The following PTPRK variants were observed in gnomAD, a reference collection of about 807,000 sequenced individuals.
PTPRK encodes the protein protein tyrosine phosphatase receptor type K.
Under a neutral mutation model 178.0 loss-of-function variants are expected in PTPRK, and 75 were observed. The ratio of observed to expected loss-of-function variants is 0.42; its 90% confidence interval spans 0.35 to 0.51. The LOEUF (loss-of-function observed/expected upper bound fraction) is 0.51, where lower values mean the gene tolerates loss of function less well. Among genes scored for constraint, PTPRK ranks in the 20% least tolerant of loss-of-function variants. The probability of loss-of-function intolerance (pLI) is 0.02; values close to 1 mark genes in which losing one functional copy is unlikely to be tolerated. For missense variants in PTPRK, 1,441 were observed against 1,797.8 expected (o/e 0.80, Z 3.59); for synonymous variants, 637 against 620.6 (o/e 1.03, Z -0.39).
intron 3 of PTPRK, among the ~76,000 whole-genome samples, chr6:128,311,239 G>A (rs1827202806): frequency 6.6e-6 from 1 of 152,138 alleles, no homozygotes; most frequent in South Asian, 2.1e-4. Flanking sequence ...CAACTTCATA[G>A]GTCTAGTTCA....
chr6:128,501,086 C>G (rs1266340146), intron 1 of PTPRK: 1 of 152,186 alleles, frequency 6.6e-6, no homozygotes, highest in Non-Finnish European at 1.5e-5. Flanking sequence ...CCACGTTGAC[C>G]AGGCTGGTCT....
chr6:128,269,487 T>C (rs1461212978), intron 3 of PTPRK, among the ~76,000 whole-genome samples: 1 of 150,736 alleles, frequency 6.6e-6, no homozygotes, highest in Non-Finnish European at 1.5e-5. Context: ...GAGGGTGGCA[T>C]CTTAACTAAC....
At chr6:128,371,635 A>T (rs970751578) in intron 2 of PTPRK, among the ~76,000 whole-genome samples, 3 of 152,184 alleles carry the variant, frequency 2.0e-5, no homozygotes, top group African/African-American at 7.2e-5. Flanking sequence ...TACTGAAAGA[A>T]CCCTAACTAC....
chr6:128,316,061 T>C (rs1297998520), intron 3 of PTPRK, among the ~76,000 whole-genome samples: 1 of 152,224 alleles, frequency 6.6e-6, no homozygotes, highest in Non-Finnish European at 1.5e-5. Flanking sequence ...TCATGTATTA[T>C]ATGAAACAGT....
Position 128,287,693 on chromosome 6 carries a change from C to T in PTPRK, c.495+34346G>A, listed in dbSNP as rs1259125843. On this transcript the variant is annotated intron_variant, in intron 3 of 29. Transcript: ENST00000368226. Reference sequence around the variant, plus strand: ...CAAGCTAAAAACCTCTGTGCATCCTCTCTATTGTTACTTCCTTTCCGTCAT... The same window carrying T: ...CAAGCTAAAAACCTCTGTGCATCCTTTCTATTGTTACTTCCTTTCCGTCAT... Among the ~76,000 whole-genome samples the T allele has an allele frequency of 2.0e-5, 3 of 152,298 alleles. No individual in the cohort carries two copies. The East Asian group carries it at 5.8e-4, about 29-fold the overall frequency.
chr6:128,337,174 A>G (rs927947659), intron 2 of PTPRK, among the ~76,000 whole-genome samples: 1 of 152,280 alleles, frequency 6.6e-6, no homozygotes, highest in African/African-American at 2.4e-5. Context: ...TAGTTAATAA[A>G]CAAATTTACA....
At position 128,129,154 on chromosome 6, in the gene PTPRK, T is replaced by A. The variant is rs1462965428; in HGVS notation, c.1163-39162A>T. Among the ~76,000 whole-genome samples, 17 of 152,334 alleles carry A rather than the reference T, an allele frequency of 1.1e-4. No homozygotes were observed. The East Asian group carries it at 3.3e-3, about 29-fold the overall frequency. On this transcript the variant is annotated intron_variant, in intron 7 of 29. Transcript: ENST00000368226. ...TTGCCTTATCAATTATCTGTTTAAG[T>A]TGGCTTGTAATTCTGACTACATGTA...
chr6:128,383,024 A>G (rs756999518), intron 2 of PTPRK, among the ~76,000 whole-genome samples: 24 of 152,182 alleles, frequency 1.6e-4, no homozygotes, highest in Admixed American at 9.8e-4. Context: ...TATGGCAACA[A>G]TCAGCTCTTC....
chr6:128,371,002 C>CA (rs1451869260), intron 2 of PTPRK, among the ~76,000 whole-genome samples: 1 of 152,072 alleles, frequency 6.6e-6, no homozygotes, highest in Non-Finnish European at 1.5e-5. Context: ...TCATTTGCCT[C>CA]AAAACATTTC....
intron 7 of PTPRK, among the ~76,000 whole-genome samples, chr6:128,171,178 C>T (rs1385757690): frequency 6.6e-6 from 1 of 151,926 alleles, no homozygotes; most frequent in Non-Finnish European, 1.5e-5. Context: ...ATTTTACTTT[C>T]TTCAATACAG....
At chr6:128,489,479 C>G (rs780404677) in intron 1 of PTPRK, among the ~76,000 whole-genome samples, 5 of 152,060 alleles carry the variant, frequency 3.3e-5, no homozygotes, top group African/African-American at 7.2e-5. Context: ...TATGCTCCGG[C>G]CTGAATCATG....
intron 6 of PTPRK, among the ~76,000 whole-genome samples, chr6:128,188,513 T>C (rs1245741914): frequency 6.6e-6 from 1 of 152,062 alleles, no homozygotes; most frequent in East Asian, 1.9e-4. Context: ...ACCTCCTTCC[T>C]AAGGGTTTTA....
At chr6:128,408,745 G>C (rs1226205452) in intron 1 of PTPRK, among the ~76,000 whole-genome samples, 1 of 152,146 alleles carries the variant, frequency 6.6e-6, no homozygotes, top group Non-Finnish European at 1.5e-5. Context: ...AAATGTCTAT[G>C]GGTCTTTTTA....
intron 3 of PTPRK, among the ~76,000 whole-genome samples, chr6:128,270,877 G>C (rs1819699623): frequency 6.6e-6 from 1 of 152,058 alleles, no homozygotes. Context: ...CAGGCATTAA[G>C]AGACCAATGC....
intron 2 of PTPRK, among the ~76,000 whole-genome samples, chr6:128,389,631 G>A (rs1480478437): frequency 6.6e-6 from 1 of 151,810 alleles, no homozygotes; most frequent in Non-Finnish European, 1.5e-5. Context: ...TGATTTTAAG[G>A]TATATGTTAA....
Position 128,493,494 on chromosome 6 carries a change from A to G in PTPRK, c.100+26765T>C, listed in dbSNP as rs182760523. 6.5e-4 allele frequency among the ~76,000 whole-genome samples: 99 copies of G among 151,468 alleles called. 2 individuals are homozygous for G. The East Asian group carries it at 0.013, about 20-fold the overall frequency. On this transcript the variant is annotated intron_variant, in intron 1 of 29. Coordinates refer to ENST00000368226, the MANE Select transcript of PTPRK (RefSeq NM_002844.4). ...GGAGAATGGCGTGAACCCGGGAGGCAGAGCTTGCAGTGAGCCGAGATCGTG... is the reference window on the plus strand; with the variant it reads ...GGAGAATGGCGTGAACCCGGGAGGCGGAGCTTGCAGTGAGCCGAGATCGTG...
chr6:128,442,532 C>A (rs2128401001), intron 1 of PTPRK, among the ~76,000 whole-genome samples: 1 of 152,284 alleles, frequency 6.6e-6, no homozygotes, highest in African/African-American at 2.4e-5. Context: ...ATAAGCCCTC[C>A]TATATAGGAA....
At chr6:128,145,860 TTAAC>T (rs1796413936) in intron 7 of PTPRK, among the ~76,000 whole-genome samples, 1 of 152,222 alleles carries the variant, frequency 6.6e-6, no homozygotes, top group South Asian at 2.1e-4. Flanking sequence ...CTGAAAGTTA[TTAAC>T]TGATTTTTAT....
intron 12 of PTPRK, among the ~76,000 whole-genome samples, chr6:128,065,830 A>C (rs553913238): frequency 5.3e-5 from 8 of 152,140 alleles, no homozygotes; most frequent in Admixed American, 4.6e-4. Flanking sequence ...AAGGATTTTC[A>C]TTTCTTAAAA....
Sources: gnomAD v4.1 joint callset for allele counts (sites outside exome capture counted in the v4.1 genomes callset) on GRCh38, gnomAD v4.1.1 for gene constraint, MANE v1.5 for transcripts, NCBI Gene and HGNC (gene_info 2026-07-23, HGNC 2026-07-21) for gene names.